SHISA9: variants seen among roughly 807,000 people sequenced by gnomAD.
SHISA9 encodes protein shisa-9.
A neutral mutation model predicts 38.0 loss-of-function variants in SHISA9; 13 were observed. The ratio of observed to expected loss-of-function variants is 0.34; its 90% CI spans 0.22 to 0.54. The LOEUF (loss-of-function observed/expected upper bound fraction) is 0.54. SHISA9 is among the 20% of genes least tolerant of loss of function. SHISA9 has a pLI of 0.91. For synonymous variants in SHISA9, 275 were observed against 242.0 expected, an observed-to-expected ratio of 1.14 and a Z score of -1.27; for missense variants, 538 against 575.8, an observed-to-expected ratio of 0.93 and a Z score of 0.67.
rs117944267 is a variant in SHISA9, at chr16:13,042,338, C to A, written c.691+125523C>A. ...TTTCTGCTCATTGACAGAATTTGTA[C>A]CTTCAGGAGCTAGTGTGTAGGATTA... On this transcript the variant is annotated intron_variant, in intron 2 of 4. Transcript: ENST00000558583. Among the ~76,000 whole-genome samples the A allele has an allele frequency of 7.1e-3, 1,087 of 152,256 alleles. 7 individuals are homozygous for A. The highest frequency in any genetic ancestry group is 0.014 in the Middle Eastern group (4 of 294).
intron 2 of SHISA9, among the ~76,000 whole-genome samples, chr16:12,991,875 GA>G (rs1197259365): frequency 1.3e-5 from 2 of 151,394 alleles, no homozygotes; most frequent in South Asian, 2.1e-4. Context: ...ATGTACATTA[GA>G]AAAAAAATAT....
chr16:13,118,695 C>T (rs1189557846), intron 2 of SHISA9, among the ~76,000 whole-genome samples: 2 of 151,652 alleles, frequency 1.3e-5, no homozygotes, highest in African/African-American at 2.4e-5. Context: ...AAGTCTACGG[C>T]ACTTTTGCCC....
chr16:13,410,971 G>C, the SHISA9 span, among the ~76,000 whole-genome samples: 4 of 152,078 alleles, frequency 2.6e-5, no homozygotes, highest in East Asian at 7.7e-4. Flanking sequence ...GAGTTGCTTG[G>C]AGTGTTAAAA....
At chr16:13,234,984 CTCTT>C (rs912266655) in intron 4 of SHISA9, 42 bp from the exon 5 acceptor site, 23 of 1,492,778 alleles carry the variant, frequency 1.5e-5, no homozygotes, top group African/African-American at 7.0e-5. Flanking sequence ...CTCTCTCTCT[CTCTT>C]CTCTTTCTTC....
At chr16:13,068,475 C>T (rs1223477959) in intron 2 of SHISA9, among the ~76,000 whole-genome samples, 1 of 152,220 alleles carries the variant, frequency 6.6e-6, no homozygotes, top group Non-Finnish European at 1.5e-5. Flanking sequence ...TGGGAATACT[C>T]CTCTTACAGC....
intron 2 of SHISA9, among the ~76,000 whole-genome samples, chr16:12,991,743 T>C (rs1160469774): frequency 6.6e-6 from 1 of 152,188 alleles, no homozygotes; most frequent in African/African-American, 2.4e-5. Context: ...TCGCAAGGGA[T>C]CTTAGATGTG....
intron 2 of SHISA9, among the ~76,000 whole-genome samples, chr16:12,985,322 G>A (rs2072294085): frequency 6.6e-6 from 1 of 152,124 alleles, no homozygotes; most frequent in South Asian, 2.1e-4. Flanking sequence ...TACTGGCTCT[G>A]CAGATCTGGG....
chr16:13,019,749 CTTTTCTTTT>C, intron 2 of SHISA9, among the ~76,000 whole-genome samples: 1 of 148,934 alleles, frequency 6.7e-6, no homozygotes, highest in Non-Finnish European at 1.5e-5. Flanking sequence ...TTTCTTCCTT[CTTTTCTTTT>C]CTTTCTTTTC....
intron 2 of SHISA9, among the ~76,000 whole-genome samples, chr16:13,054,749 T>C (rs1412405515): frequency 6.6e-6 from 1 of 152,206 alleles, no homozygotes; most frequent in Non-Finnish European, 1.5e-5. Context: ...GGGCTGCTTC[T>C]GGCCTCTCTC....
intron 2 of SHISA9, among the ~76,000 whole-genome samples, chr16:13,019,421 T>C (rs907644196): frequency 1.3e-5 from 2 of 152,132 alleles, no homozygotes; most frequent in African/African-American, 2.4e-5. Context: ...TATGTCCTCA[T>C]GTGGCCTTTC....
chr16:13,020,081 C>T (rs926854261), intron 2 of SHISA9, among the ~76,000 whole-genome samples: 20 of 145,974 alleles, frequency 1.4e-4, no homozygotes, highest in African/African-American at 3.1e-4. Flanking sequence ...GGCTGGAGTG[C>T]GGTGCCTTGA....
At chr16:13,478,011 C>G in the SHISA9 span, among the ~76,000 whole-genome samples, 1 of 152,166 alleles carries the variant, frequency 6.6e-6, no homozygotes, top group Non-Finnish European at 1.5e-5. Context: ...TTGGTTTTCT[C>G]TCCCTCTTAT....
At chr16:13,234,986 C>CTG (rs34491650) in intron 4 of SHISA9, 44 bp from the exon 5 acceptor site, 5 of 1,486,320 alleles carry the variant, frequency 3.4e-6, no homozygotes, top group African/African-American at 1.4e-5. Context: ...CTCTCTCTCT[C>CTG]TTCTCTTTCT....
intron 2 of SHISA9, among the ~76,000 whole-genome samples, chr16:12,996,129 G>A (rs1291614900): frequency 6.6e-6 from 1 of 152,172 alleles, no homozygotes; most frequent in Non-Finnish European, 1.5e-5. Flanking sequence ...GCTTTTTGAT[G>A]ACAGTCTACA....
chr16:13,075,362 G>A (rs908107665), intron 2 of SHISA9, among the ~76,000 whole-genome samples: 1 of 152,184 alleles, frequency 6.6e-6, no homozygotes, highest in African/African-American at 2.4e-5. Context: ...TGGCTGGCAG[G>A]AGGAGCTTGC....
intron 2 of SHISA9, among the ~76,000 whole-genome samples, chr16:13,133,847 T>C (rs1011246439): frequency 6.6e-6 from 1 of 152,210 alleles, no homozygotes; most frequent in Non-Finnish European, 1.5e-5. Context: ...AAAGGGGGTG[T>C]GAAATGGAAA....
chr16:13,030,078 C>T (rs746106912), intron 2 of SHISA9, among the ~76,000 whole-genome samples: 1 of 152,196 alleles, frequency 6.6e-6, no homozygotes. Flanking sequence ...AGCACTTGAT[C>T]AATGTCGTTT....
At chr16:13,026,448 C>G (rs1011971420) in intron 2 of SHISA9, among the ~76,000 whole-genome samples, 1 of 152,224 alleles carries the variant, frequency 6.6e-6, no homozygotes, top group African/African-American at 2.4e-5. Context: ...ATGACTACAT[C>G]TACTACAGTT....
the SHISA9 span, among the ~76,000 whole-genome samples, chr16:13,303,101 T>C: frequency 1.3e-5 from 2 of 152,122 alleles, no homozygotes; most frequent in African/African-American, 4.8e-5. Flanking sequence ...GCAATAACTG[T>C]TTTTTGCCCA....
Sources: gnomAD v4.1 joint callset for allele counts (sites outside exome capture counted in the v4.1 genomes callset) on GRCh38, gnomAD v4.1.1 for gene constraint, MANE v1.5 for transcripts, NCBI Gene and HGNC (gene_info 2026-07-23, HGNC 2026-07-21) for gene names.